The following SGK2 variants were observed in gnomAD, a reference collection of about 807,000 sequenced individuals.
The protein encoded by SGK2 is serine/threonine-protein kinase Sgk2.
SGK2 carries 36 observed loss-of-function variants against 47.5 expected under a neutral mutation model. The ratio of observed to expected loss-of-function variants is 0.76; its 90% confidence interval spans 0.58 to 1.00. The LOEUF (loss-of-function observed/expected upper bound fraction) is 1.00. Ranked by LOEUF, SGK2 falls within the 50% of genes least tolerant of loss-of-function variation. The pLI is 0.00. For missense variants in SGK2, 404 were observed against 467.4 expected (o/e 0.86, Z 1.25); for synonymous variants, 157 against 181.9 (o/e 0.86, Z 1.10).
intron 12 of SGK2, among the ~76,000 whole-genome samples, chr20:43,581,456 A>G (rs1980791285): frequency 6.6e-6 from 1 of 152,148 alleles, no homozygotes; most frequent in Non-Finnish European, 1.5e-5. Flanking sequence ...CTTTAAGTAT[A>G]TGTCTTTGCC....
rs1979776055 is a variant in SGK2, at chr20:43,567,055, C to G, written c.37-13C>G. The stretch of plus-strand genomic sequence containing the variant: ...AGTAGGGATCTGCTGATCATAATCA[C>G]TTCTTTCTTTAGCCCTCCAGGGCCA... On this transcript the variant is annotated splice_polypyrimidine_tract_variant and intron_variant, in intron 2 of 12. Coordinates refer to ENST00000373100, the MANE Select transcript of SGK2 (RefSeq NM_170693.3). The G allele has an allele frequency of 6.2e-7, 1 of 1,612,910 alleles. No individual in the cohort carries two copies. The highest frequency in any genetic ancestry group is 8.5e-7 in the Non-Finnish European group (1 of 1,179,028).
intron 11 of SGK2, among the ~76,000 whole-genome samples, chr20:43,576,891 G>C (rs1980492672): frequency 1.3e-5 from 2 of 152,224 alleles, no homozygotes; most frequent in Non-Finnish European, 2.9e-5. Context: ...GCAGTGATCT[G>C]AGATCGTGCC....
At chr20:43,569,640 T>C in intron 6 of SGK2, 124 bp downstream of exon 6, 1 of 1,161,388 alleles carries the variant, frequency 8.6e-7, no homozygotes, top group Non-Finnish European at 1.2e-6. Flanking sequence ...ACCCATTTTG[T>C]AGCTAAAGAA....
At chr20:43,564,708 CAG>C (rs1979581932) in intron 1 of SGK2, 1 of 152,622 alleles carries the variant, frequency 6.6e-6, no homozygotes, top group Non-Finnish European at 1.5e-5. Flanking sequence ...ATGTACCACA[CAG>C]AGACACGCTG....
intron 11 of SGK2, 34 bp from the exon 12 acceptor site, chr20:43,579,938 T>A (rs1351239535): frequency 6.6e-7 from 1 of 1,516,128 alleles, no homozygotes; most frequent in Admixed American, 1.7e-5. Context: ...GAGGGCTACT[T>A]CTAACCAGAA....
intron 9 of SGK2, among the ~76,000 whole-genome samples, chr20:43,573,989 C>G (rs577648497): frequency 6.6e-6 from 1 of 152,166 alleles, no homozygotes; most frequent in Non-Finnish European, 1.5e-5. Flanking sequence ...CATGGTTGCT[C>G]CCATTGTTTG....
At chr20:43,566,611 A>G in intron 2 of SGK2, 80 bp downstream of exon 2, 1 of 1,003,648 alleles carries the variant, frequency 1.0e-6, no homozygotes, top group Non-Finnish European at 1.5e-6. Context: ...GTCCCAGACA[A>G]TGTCAGGGGC....
At position 43,567,845 on chromosome 20, in the gene SGK2, C is replaced by T. The variant is rs111370530; in HGVS notation, c.145-71C>T. The stretch of plus-strand genomic sequence containing the variant: ...ACCTGCAGACAAAAGCAGGGGCAGG[C>T]GGGAGGCCTTGTACTGCTGTTGGGA... On this transcript the variant is annotated intron_variant, in intron 4 of 12. Transcript: ENST00000373100. 1.5e-5 allele frequency: 24 copies of T among 1,550,380 alleles called. No homozygotes were observed. In the African/African-American group the frequency reaches 2.2e-4, roughly 14 times the overall value.
rs1012760297 is a variant in SGK2, at chr20:43,574,930, C to G, written c.619C>G (p.Arg207Gly). Residue 207 changes from arginine to glycine, a missense_variant, in exon 10 of 13, where the codon CGG (arginine) becomes GGG (glycine). Transcript: ENST00000373100. ...TPEYLAPEVL[R>G]KEPYDRAVDW... ...ACAGTACTTGGCACCTGAAGTGCTT[C>G]GGAAAGAGCCTTATGATCGAGCAGT... 5.0e-6 allele frequency: 8 copies of G among 1,613,360 alleles called. No homozygotes were observed. Among genetic ancestry groups the G allele is most frequent in the African/African-American group, 1.3e-5 (1 of 74,874 alleles).
intron 12 of SGK2, chr20:43,583,545 A>G (rs991553176): frequency 1.0e-6 from 1 of 985,326 alleles, no homozygotes; most frequent in African/African-American, 1.7e-5. Context: ...CTTGCACACT[A>G]AAGCAGATTT....
In SGK2 at chr20:43,564,461, C is replaced by T. The variant is rs866769910; in HGVS notation, c.-23-2012C>T. ...TCTACACAGGGTTCGTATACACAGG[C>T]CCCCTAGCCGCACGCATGCGTGCAT... On this transcript the variant is annotated intron_variant, in intron 1 of 12. Coordinates refer to ENST00000373100, the MANE Select transcript of SGK2 (RefSeq NM_170693.3). Among the ~76,000 whole-genome samples the T allele has an allele frequency of 2.6e-5, 4 of 152,312 alleles. No individual in the cohort carries two copies. The Middle Eastern group carries it at 0.014, about 518-fold the overall frequency.
intron 4 of SGK2, 42 bp from the exon 5 acceptor site, chr20:43,567,874 C>T (rs373146960): frequency 2.5e-6 from 4 of 1,600,956 alleles, no homozygotes; most frequent in Non-Finnish European, 3.4e-6. Context: ...GTTGGGAAGT[C>T]CAAAGTCACC....
At chr20:43,562,495 C>T (rs2145526737) in intron 1 of SGK2, among the ~76,000 whole-genome samples, 1 of 147,850 alleles carries the variant, frequency 6.8e-6, no homozygotes, top group South Asian at 2.2e-4. Context: ...AATCCCAGCA[C>T]TTTGGGAGGC....
intron 1 of SGK2, among the ~76,000 whole-genome samples, chr20:43,561,104 C>G (rs1315817706): frequency 6.6e-6 from 1 of 152,138 alleles, no homozygotes; most frequent in South Asian, 2.1e-4. Context: ...GACTTGTCAC[C>G]CGTAATCAGT....
intron 1 of SGK2, among the ~76,000 whole-genome samples, chr20:43,560,134 G>A (rs1482334594): frequency 6.6e-6 from 1 of 152,100 alleles, no homozygotes; most frequent in East Asian, 1.9e-4. Context: ...TTCCCACCAG[G>A]AACTCAGTAC....
intron 5 of SGK2, among the ~76,000 whole-genome samples, chr20:43,569,005 G>A (rs1034390293): frequency 4.6e-5 from 7 of 152,148 alleles, no homozygotes; most frequent in Non-Finnish European, 7.3e-5. Flanking sequence ...AAGAGGGTGC[G>A]ACATCCAGGA....
intron 12 of SGK2, among the ~76,000 whole-genome samples, chr20:43,582,650 A>G (rs1980871286): frequency 6.7e-6 from 1 of 150,192 alleles, no homozygotes. Context: ...AGCCTCCCAA[A>G]GTGCTGGGAT....
chr20:43,568,140 G>A, intron 5 of SGK2, 141 bp downstream of exon 5: 1 of 647,902 alleles, frequency 1.5e-6, no homozygotes. Flanking sequence ...GAGGGGAGGT[G>A]GTACGCAGGA....
Position 43,560,451 on chromosome 20 carries a change from A to G in SGK2, c.-24+1292A>G, listed in dbSNP as rs1979311269. ...GAGGCGGAGGTTGCAGTGAGCAGAG[A>G]TTGCGCCACTGCACTCCAGCCTGGG... is the stretch of plus-strand genomic sequence containing the variant. On this transcript the variant is annotated intron_variant, in intron 1 of 12. Transcript: ENST00000373100. 2.0e-5 allele frequency among the ~76,000 whole-genome samples: 3 copies of G among 151,006 alleles called. No homozygotes were observed. The Admixed American group carries it at 2.0e-4, about 10-fold the overall frequency.
Sources: allele counts gnomAD v4.1 joint callset (sites outside exome capture counted in the v4.1 genomes callset), GRCh38; gene constraint gnomAD v4.1.1; transcripts MANE v1.5; gene names NCBI Gene and HGNC (gene_info 2026-07-23, HGNC 2026-07-21).